DNAH12: variants seen among roughly 807,000 people sequenced by gnomAD.
The protein encoded by DNAH12 is axonemal beta dynein heavy chain 12.
A neutral mutation model predicts 371.5 loss-of-function variants in DNAH12; 285 were observed. The ratio of observed to expected loss-of-function variants is 0.77; its 90% confidence interval spans 0.70 to 0.85. DNAH12 has a LOEUF of 0.85. DNAH12 is among the 40% of genes least tolerant of loss of function. The pLI is 0.00. For missense variants in DNAH12, 3,611 were observed against 3,689.4 expected (o/e 0.98, Z 0.55); for synonymous variants, 1,200 against 1,213.0 (o/e 0.99, Z 0.22).
intron 62 of DNAH12, among the ~76,000 whole-genome samples, chr3:57,331,853 C>T (rs977530930): frequency 2.6e-5 from 4 of 152,068 alleles, no homozygotes; most frequent in African/African-American, 9.7e-5. Flanking sequence ...GAGTCCCCTA[C>T]CCTCTACATC....
At position 57,454,804 on chromosome 3, in the gene DNAH12, T is replaced by C. The variant is rs1223117194; in HGVS notation, c.3427A>G (p.Thr1143Ala). 1 of 1,551,394 alleles carries C rather than the reference T, an allele frequency of 6.4e-7. No homozygotes were observed. Among genetic ancestry groups the C allele is most frequent in the Non-Finnish European group, 8.7e-7 (1 of 1,146,812 alleles). Reference sequence around the variant, plus strand: ...GTCCCGCCACTTATCACTTCCTGTGTCTCAGATGTCCAGAACATTTGAGAA... The same window carrying C: ...GTCCCGCCACTTATCACTTCCTGTGCCTCAGATGTCCAGAACATTTGAGAA... ...CISQMFWTSETQEVISGGTEG... is the reference protein window; with the variant it reads ...CISQMFWTSEAQEVISGGTEG... The change falls in exon 23 of 74, where the codon ACA (threonine) becomes GCA (alanine). Residue 1143 changes from threonine to alanine, a missense_variant. Thr to Ala is a moderately conservative substitution (Grantham distance 58). Coordinates refer to ENST00000495027, the MANE Select transcript of DNAH12 (RefSeq NM_001366028.2).
At chr3:57,452,063 A>G (rs9820312) in intron 25 of DNAH12, among the ~76,000 whole-genome samples, 15,231 of 151,940 alleles carry the variant, frequency 0.1, 2,567 homozygotes, top group African/African-American at 0.34. Context: ...CCTGCTCTAA[A>G]CCCTGCCTCA....
intron 4 of DNAH12, among the ~76,000 whole-genome samples, chr3:57,520,412 CTTTTTA>C (rs979307184): frequency 2.7e-5 from 4 of 147,714 alleles, no homozygotes; most frequent in South Asian, 2.2e-4. Flanking sequence ...TTTTCTTTTC[CTTTTTA>C]TTTTTATTTT....
At chr3:57,455,269 G>GA (rs2065869674) in intron 22 of DNAH12, among the ~76,000 whole-genome samples, 1 of 99,542 alleles carries the variant, frequency 1.0e-5, no homozygotes, top group Admixed American at 1.0e-4. Context: ...AGTAAACTTA[G>GA]AAAAAACTAG....
In DNAH12 at chr3:57,334,458, C is replaced by T; in HGVS notation, c.9978+7G>A. 2 of 1,544,470 alleles carry T rather than the reference C, an allele frequency of 1.3e-6. No homozygotes were observed. The highest frequency in any genetic ancestry group is 1.7e-6 in the Non-Finnish European group (2 of 1,145,468). On this transcript the variant is annotated splice_region_variant and intron_variant, in intron 62 of 73. Transcript: ENST00000495027. ...TGGGTTCCAAATAGAACACATTGGTCTTTTACCTTATCAGGTCTTAAACAC... is the reference window on the plus strand; with the variant it reads ...TGGGTTCCAAATAGAACACATTGGTTTTTTACCTTATCAGGTCTTAAACAC...
At chr3:57,381,871 A>ATTT (rs1319701297) in intron 50 of DNAH12, among the ~76,000 whole-genome samples, 4 of 128,156 alleles carry the variant, frequency 3.1e-5, no homozygotes, top group South Asian at 2.4e-4. Context: ...AACCATATAT[A>ATTT]TATATTTTTT....
intron 45 of DNAH12, among the ~76,000 whole-genome samples, chr3:57,390,408 C>CAAA (rs878912244): frequency 0.016 from 97 of 6,076 alleles, 19 homozygotes; most frequent in Non-Finnish European, 0.035. Flanking sequence ...GATCCTGTCT[C>CAAA]AAAAAAAAAA....
At chr3:57,482,544 C>G (rs1206804821) in intron 13 of DNAH12, among the ~76,000 whole-genome samples, 1 of 152,060 alleles carries the variant, frequency 6.6e-6, no homozygotes, top group East Asian at 1.9e-4. Flanking sequence ...ACTAGAAATA[C>G]CATTTGACCC....
chr3:57,477,306 C>T (rs1331443885), intron 13 of DNAH12, among the ~76,000 whole-genome samples: 1 of 152,200 alleles, frequency 6.6e-6, no homozygotes, highest in African/African-American at 2.4e-5. Flanking sequence ...GGGTCCTACA[C>T]CCACGGAGCC....
At chr3:57,441,198 G>A (rs1483331563) in intron 29 of DNAH12, among the ~76,000 whole-genome samples, 1 of 152,038 alleles carries the variant, frequency 6.6e-6, no homozygotes, top group African/African-American at 2.4e-5. Context: ...AATTTTAGCA[G>A]AAAAGAGAAC....
intron 12 of DNAH12, among the ~76,000 whole-genome samples, chr3:57,487,393 A>AAGAAAGAAAGAAAAAAAAG (rs2066967022): frequency 8.1e-6 from 1 of 123,146 alleles, no homozygotes; most frequent in Non-Finnish European, 1.7e-5. Flanking sequence ...AAGAAAGAGA[A>AAGAAAGAAAGAAAAAAAAG]AGAAAGAAAG....
intron 34 of DNAH12, among the ~76,000 whole-genome samples, chr3:57,428,104 T>C (rs888731427): frequency 2.0e-5 from 3 of 151,954 alleles, no homozygotes; most frequent in Non-Finnish European, 4.4e-5. Context: ...AATTTTTATA[T>C]CTTTAGTAGA....
Position 57,296,505 on chromosome 3 carries a change from G to A in DNAH12, c.11533-70C>T, listed in dbSNP as rs143309875. 2.4e-4 allele frequency: 275 copies of A among 1,161,372 alleles called. 1 individual carries two copies. In the African/African-American group the frequency reaches 3.8e-3, roughly 16 times the overall value. The allele number at this position is 1,161,372 out of a possible 1,614,324, so 71.9% of individuals were successfully genotyped here. ...TTCATCTCATAAAGAACACATTAGC[G>A]AAATATTCAGAACACATTCAGGGAA... On this transcript the variant is annotated intron_variant, in intron 71 of 73. Coordinates refer to ENST00000495027, the MANE Select transcript of DNAH12 (RefSeq NM_001366028.2).
chr3:57,516,872 ACT>A (rs763919488), intron 4 of DNAH12, among the ~76,000 whole-genome samples: 68 of 152,182 alleles, frequency 4.5e-4, no homozygotes, highest in Non-Finnish European at 8.4e-4. Flanking sequence ...TCCAATTGCC[ACT>A]CTGAGTAAAA....
In DNAH12 at chr3:57,433,404, A is replaced by G. The variant is rs2065014252; in HGVS notation, c.4943T>C (p.Ile1648Thr). ...ATCCAATACTGTGTTCATGCTCTCT[A>G]TCCACAAAGTGTCAATAGGACCATC... ...VFDGPIDTLW[I>T]ESMNTVLDDN... The change falls in exon 32 of 74, where the codon ATA (isoleucine) becomes ACA (threonine). Residue 1648 changes from isoleucine (I) to threonine (T), a missense_variant. This residue lies in a region of DNAH12 where 2,266 missense variants were observed against 2,236.9 expected (regional missense o/e 1.01). Coordinates refer to ENST00000495027, the MANE Select transcript of DNAH12 (RefSeq NM_001366028.2). 3 of 1,551,438 alleles carry G rather than the reference A, an allele frequency of 1.9e-6. No homozygotes were observed. Among genetic ancestry groups the G allele is most frequent in the Non-Finnish European group, 2.6e-6 (3 of 1,146,894 alleles).
rs371655814 is a variant in DNAH12 at position 57,330,276 on chromosome 3, C to T, written c.9978+4189G>A. On this transcript the variant is annotated intron_variant, in intron 62 of 73. Transcript: ENST00000495027. ...GACACATGCACACGTATGTTTATTG[C>T]GGCACTATTCACAATAGCAAAGACT... Among the ~76,000 whole-genome samples the T allele has an allele frequency of 4.4e-4, 67 of 150,920 alleles. 1 individual carries two copies. In the South Asian group the frequency reaches 5.9e-3, roughly 13 times the overall value.
chr3:57,410,141 C>G lies in DNAH12; in HGVS notation c.6021-1606G>C, dbSNP rs149847864. 7.2e-5 allele frequency among the ~76,000 whole-genome samples: 11 copies of G among 152,246 alleles called. No homozygotes were observed. In the East Asian group the frequency reaches 2.1e-3, roughly 29 times the overall value. On this transcript the variant is annotated intron_variant, in intron 39 of 73. Transcript: ENST00000495027. ...AGTGCAGGCATACCCCATTTTATTT[C>G]ACTTCATTTCATTAAGCTTTGCAGA...
chr3:57,307,407 C>T (rs2061494913), intron 69 of DNAH12, among the ~76,000 whole-genome samples: 1 of 152,284 alleles, frequency 6.6e-6, no homozygotes, highest in South Asian at 2.1e-4. Flanking sequence ...TTACCCACAG[C>T]CCAAATACGG....
At chr3:57,415,683 A>AT in intron 37 of DNAH12, 119 bp from the exon 38 acceptor site, 3 of 946,952 alleles carry the variant, frequency 3.2e-6, no homozygotes, top group Non-Finnish European at 4.4e-6. Flanking sequence ...TTAAAAACTC[A>AT]TTTTTACCTA....
Sources: allele counts gnomAD v4.1 joint callset (sites outside exome capture counted in the v4.1 genomes callset), GRCh38; gene constraint gnomAD v4.1.1; regional missense constraint gnomAD v4.1.1; transcripts MANE v1.5; gene names NCBI Gene and HGNC (gene_info 2026-07-23, HGNC 2026-07-21).